The following ZNF114 variants were observed in gnomAD, a reference collection of about 807,000 sequenced individuals.
The protein encoded by ZNF114 is zinc finger protein 114 (Y18).
ZNF114 carries 8 observed loss-of-function variants against 6.8 expected under a neutral mutation model. The observed-to-expected ratio is 1.18, with a 90% confidence interval of 0.69 to 2.13. ZNF114 has a LOEUF of 2.13. Ranked by LOEUF, ZNF114 falls within the 30% of genes most tolerant of loss-of-function variation. The pLI is 0.00. For synonymous variants in ZNF114, 169 were observed against 185.5 expected (o/e 0.91, Z 0.72); for missense variants, 472 against 519.5 (o/e 0.91, Z 0.89).
chr19:48,275,665 C>A (rs1040401019), intron 3 of ZNF114, among the ~76,000 whole-genome samples: 1 of 151,732 alleles, frequency 6.6e-6, no homozygotes, highest in Admixed American at 6.6e-5. Flanking sequence ...AAAGATACAT[C>A]GTAGGTGGTG....
At chr19:48,277,464 T>A (rs1967864640) in intron 3 of ZNF114, among the ~76,000 whole-genome samples, 1 of 152,272 alleles carries the variant, frequency 6.6e-6, no homozygotes, top group Non-Finnish European at 1.5e-5. Context: ...TAATTTTTCC[T>A]CTTTATTAAC....
At chr19:48,284,989 T>A (rs754827478) in intron 5 of ZNF114, among the ~76,000 whole-genome samples, 6 of 152,128 alleles carry the variant, frequency 3.9e-5, no homozygotes, top group Admixed American at 6.5e-5. Context: ...ATGGACTCTC[T>A]GTCCAATTCT....
rs376352436 is a variant in ZNF114 at position 48,282,495 on chromosome 19, T to C, written c.134T>C (p.Ile45Thr). 14 of 1,608,826 alleles carry C rather than the reference T, an allele frequency of 8.7e-6. No homozygotes were observed. Among genetic ancestry groups the C allele is most frequent in the Non-Finnish European group, 1.2e-5 (14 of 1,176,214 alleles). ...MLENSRNLAF[I>T]DWATPCKTKD... ...GAAAATTCTAGGAACTTGGCATTCATAGGTAAGGAGGCCCCCTTCCTGCAC... is the reference window on the plus strand; with the variant it reads ...GAAAATTCTAGGAACTTGGCATTCACAGGTAAGGAGGCCCCCTTCCTGCAC... The change falls in exon 5 of 6, where the codon ATA (isoleucine) becomes ACA (threonine). Residue 45 changes from isoleucine to threonine, a missense_variant and splice_region_variant. Coordinates refer to ENST00000595607, the MANE Select transcript of ZNF114 (RefSeq NM_153608.4).
At chr19:48,280,263 C>T (rs541967746) in intron 4 of ZNF114, among the ~76,000 whole-genome samples, 1 of 152,056 alleles carries the variant, frequency 6.6e-6, no homozygotes, top group Admixed American at 6.6e-5. Context: ...GCACGGCTGT[C>T]GTCCCAGCTA....
chr19:48,274,270 A>G (rs1357523434), intron 3 of ZNF114, among the ~76,000 whole-genome samples: 2 of 151,274 alleles, frequency 1.3e-5, no homozygotes, highest in African/African-American at 4.8e-5. Flanking sequence ...AAACGTTTAG[A>G]TTTGTCCTCA....
intron 5 of ZNF114, 56 bp downstream of exon 5, chr19:48,282,553 A>G: frequency 1.3e-6 from 2 of 1,556,098 alleles, no homozygotes; most frequent in Non-Finnish European, 1.7e-6. Flanking sequence ...CTGGTTTGGA[A>G]CCGTGTTCTG....
chr19:48,281,657 G>C (rs71357813), intron 4 of ZNF114: 5,047 of 150,964 alleles, frequency 0.033, 165 homozygotes, highest in Middle Eastern at 0.14. Context: ...CTCCCGGGTA[G>C]CTGAGACTAC....
intron 5 of ZNF114, among the ~76,000 whole-genome samples, chr19:48,284,340 G>T (rs1025983871): frequency 1.3e-5 from 2 of 151,986 alleles, no homozygotes; most frequent in African/African-American, 4.8e-5. Context: ...GGCAGGAGGA[G>T]GATTACTTGA....
At chr19:48,275,852 GGCGCCTGTAGTCCCA>G (rs1490364426) in intron 3 of ZNF114, among the ~76,000 whole-genome samples, 1 of 151,194 alleles carries the variant, frequency 6.6e-6, no homozygotes, top group African/African-American at 2.4e-5. Flanking sequence ...CGCAGTGGCG[GGCGCCTGTAGTCCCA>G]GCTACTGGGG....
rs552811698 is a variant in ZNF114 at position 48,273,401 on chromosome 19, G to C, written c.-70+1573G>C. ...CACCTGAGCTGACTCACAATGATGC[G>C]TTGTTTTTCTTTTTCTTTTCTTTTC... On this transcript the variant is annotated intron_variant, in intron 3 of 5. Coordinates refer to ENST00000595607, the MANE Select transcript of ZNF114 (RefSeq NM_153608.4). Among the ~76,000 whole-genome samples the C allele has an allele frequency of 3.1e-4, 41 of 132,864 alleles. 1 individual carries two copies. Among genetic ancestry groups the C allele is most frequent in the African/African-American group, 1.1e-3 (40 of 37,390 alleles). 87.2% of individuals were successfully genotyped at this position (132,864 alleles called of 152,430 possible).
intron 1 of ZNF114, among the ~76,000 whole-genome samples, 174 bp downstream of exon 1, chr19:48,270,393 G>GA (rs57820634): frequency 0.27 from 26,751 of 98,958 alleles, 2,831 homozygotes; most frequent in South Asian, 0.33. Flanking sequence ...ACTTGTCTCA[G>GA]AAAAAAAAAA....
rs961116097 is a variant in ZNF114, at chr19:48,275,233, A to G, written c.-70+3405A>G. ...GAGAGAAAGAGAGAGGGAAGGAAGG[A>G]AGGGAGGGAGGGAGGGAGGGAAAAA... On this transcript the variant is annotated intron_variant, in intron 3 of 5. Transcript: ENST00000595607. Among the ~76,000 whole-genome samples the G allele has an allele frequency of 5.4e-4, 68 of 124,862 alleles. 1 individual carries two copies. Among genetic ancestry groups the G allele is most frequent in the African/African-American group, 1.9e-3 (62 of 33,152 alleles). 81.9% of individuals were successfully genotyped at this position (124,862 alleles called of 152,430 possible).
intron 5 of ZNF114, among the ~76,000 whole-genome samples, chr19:48,283,744 T>C (rs114422298): frequency 0.027 from 4,081 of 151,460 alleles, 170 homozygotes; most frequent in African/African-American, 0.091. Flanking sequence ...GTTTTTTTTT[T>C]GTTTTTGAGA....
chr19:48,282,720 AT>A (rs1968024802), intron 5 of ZNF114, among the ~76,000 whole-genome samples: 1 of 117,368 alleles, frequency 8.5e-6, no homozygotes, highest in Admixed American at 8.5e-5. Flanking sequence ...ATTTTATTTT[AT>A]TTATTTTTTG....
chr19:48,278,142 G>T (rs570170112), intron 3 of ZNF114, among the ~76,000 whole-genome samples: 1 of 152,070 alleles, frequency 6.6e-6, no homozygotes, highest in African/African-American at 2.4e-5. Flanking sequence ...CGCCATGTTG[G>T]CCAGGATGGT....
rs139550788 is a variant in ZNF114, at chr19:48,282,693, A to ATATTT, written c.136+222_136+226dup. ...TGCATTACTTTATTTATTTTATTTT[A>ATATTT]TATTTTATTTTATTTTATTTTATTT... On this transcript the variant is annotated intron_variant, in intron 5 of 5. Transcript: ENST00000595607. Among the ~76,000 whole-genome samples, 41 of 150,002 alleles carry ATATTT rather than the reference A, an allele frequency of 2.7e-4. 1 individual carries two copies. The highest frequency in any genetic ancestry group is 7.8e-4 in the African/African-American group (32 of 40,928).
intron 3 of ZNF114, among the ~76,000 whole-genome samples, chr19:48,275,790 C>T (rs551542562): frequency 2.6e-5 from 4 of 151,774 alleles, no homozygotes; most frequent in South Asian, 2.1e-4. Context: ...GTCAGGAGAT[C>T]GAGACCACGG....
chr19:48,276,241 G>A (rs1482186629), intron 3 of ZNF114, among the ~76,000 whole-genome samples: 1 of 151,342 alleles, frequency 6.6e-6, no homozygotes, highest in South Asian at 2.1e-4. Flanking sequence ...CACCACACCC[G>A]GCTAATTTTG....
chr19:48,276,768 C>A (rs1243860335), intron 3 of ZNF114, among the ~76,000 whole-genome samples: 1 of 152,224 alleles, frequency 6.6e-6, no homozygotes, highest in Non-Finnish European at 1.5e-5. Flanking sequence ...AAGTGATCCT[C>A]CTGCCTCAGC....
Sources: allele counts gnomAD v4.1 joint callset (sites outside exome capture counted in the v4.1 genomes callset), GRCh38; gene constraint gnomAD v4.1.1; transcripts MANE v1.5; gene names NCBI Gene and HGNC (gene_info 2026-07-23, HGNC 2026-07-21).